The following ZNF469 variants were observed in gnomAD, a reference collection of about 807,000 sequenced individuals.
ZNF469 encodes the protein zinc finger protein 469.
In ZNF469, 1 loss-of-function variant was observed where a neutral mutation model predicts 1.0. That is an observed-to-expected ratio of 1.00 (90% CI 0.35 to 4.73). The LOEUF (loss-of-function observed/expected upper bound fraction) is 4.73. ZNF469 is among the 30% of genes most tolerant of loss of function. ZNF469 has a pLI of 0.16. For missense variants in ZNF469, 6,100 were observed against 5,356.3 expected (o/e 1.14, Z -4.33); for synonymous variants, 2,703 against 2,363.4 (o/e 1.14, Z -4.17).
the ZNF469 span, among the ~76,000 whole-genome samples, chr16:88,307,130 A>G: frequency 6.6e-6 from 1 of 152,042 alleles, no homozygotes; most frequent in African/African-American, 2.4e-5. Context: ...GGTGTCTTTT[A>G]CTCAGCATGA....
chr16:88,148,418 G>A, the ZNF469 span, among the ~76,000 whole-genome samples: 26,148 of 152,082 alleles, frequency 0.17, 2,766 homozygotes, highest in East Asian at 0.49. Context: ...GCCCTGGCGC[G>A]GTGCCTCCCA....
chr16:88,270,488 C>T, the ZNF469 span, among the ~76,000 whole-genome samples: 2 of 152,244 alleles, frequency 1.3e-5, no homozygotes, highest in Middle Eastern at 3.2e-3. Context: ...CTCCACATGG[C>T]TGCTCAGGGC....
chr16:88,127,788 CTG>C, the ZNF469 span, among the ~76,000 whole-genome samples: 5 of 152,178 alleles, frequency 3.3e-5, no homozygotes, highest in African/African-American at 1.2e-4. Context: ...ACAACAGGAA[CTG>C]TGTTTAGAAG....
At chr16:88,223,154 C>T in the ZNF469 span, among the ~76,000 whole-genome samples, 1 of 152,176 alleles carries the variant, frequency 6.6e-6, no homozygotes, top group Non-Finnish European at 1.5e-5. Context: ...CAAATCTCAC[C>T]TTGAATTATA....
At chr16:88,324,690 C>G in the ZNF469 span, among the ~76,000 whole-genome samples, 3 of 152,110 alleles carry the variant, frequency 2.0e-5, no homozygotes. Context: ...TAAGTATGTG[C>G]GAATTAAGGG....
the ZNF469 span, among the ~76,000 whole-genome samples, chr16:88,249,262 C>G: frequency 1.5e-4 from 22 of 151,584 alleles, no homozygotes; most frequent in East Asian, 4.3e-3. Context: ...GGGTCTCAGG[C>G]TGTTGCTCAG....
rs1057336039 is a variant in ZNF469 at position 88,431,422 on chromosome 16, G to A, written c.3952G>A (p.Asp1318Asn). ...TQAPVSHNSK[D>N]PPARQPGEFL... ...GGCCCCAGTCTCCCACAACAGCAAG[G>A]ACCCCCCTGCCCGCCAGCCTGGAGA... Residue 1318 changes from aspartate to asparagine, a missense_variant, in exon 3 of 3, where the codon GAC (aspartate) becomes AAC (asparagine). Coordinates refer to ENST00000565624, the MANE Select transcript of ZNF469 (RefSeq NM_001367624.2). The A allele has an allele frequency of 3.6e-5, 56 of 1,550,190 alleles. No homozygotes were observed. The highest frequency in any genetic ancestry group is 4.4e-5 in the Non-Finnish European group (51 of 1,146,990).
chr16:88,292,601 G>A, the ZNF469 span, among the ~76,000 whole-genome samples: 1 of 151,960 alleles, frequency 6.6e-6, no homozygotes, highest in African/African-American at 2.4e-5. Flanking sequence ...GGGTGGGTGG[G>A]CTGGAATTTG....
the ZNF469 span, among the ~76,000 whole-genome samples, chr16:88,313,701 T>C: frequency 2.0e-5 from 3 of 152,226 alleles, no homozygotes; most frequent in Admixed American, 1.3e-4. Flanking sequence ...GACTGTCATC[T>C]CTGTAATTCA....
the ZNF469 span, among the ~76,000 whole-genome samples, chr16:88,309,102 T>G: frequency 4.6e-5 from 7 of 152,208 alleles, no homozygotes; most frequent in South Asian, 1.2e-3. Context: ...GCCCCGGTTT[T>G]CTCACAGATT....
the ZNF469 span, among the ~76,000 whole-genome samples, chr16:88,201,542 G>C: frequency 2.6e-5 from 4 of 152,066 alleles, no homozygotes; most frequent in East Asian, 7.7e-4. This position sits in a 1 kb window ranked among gnomAD's most constrained non-coding sequence, Gnocchi z 5.0. Context: ...GTGAGAGAGT[G>C]AGACTCTGCC....
upstream of ZNF469, among the ~76,000 whole-genome samples, chr16:88,380,390 G>C (rs111210132): frequency 3.2e-3 from 173 of 54,498 alleles, 8 homozygotes; most frequent in African/African-American, 0.025. Context: ...CGCACTCACA[G>C]ACACGCCCTC....
chr16:88,235,748 A>T, the ZNF469 span, among the ~76,000 whole-genome samples: 1 of 152,258 alleles, frequency 6.6e-6, no homozygotes, highest in Non-Finnish European at 1.5e-5. Context: ...ATATTTGAAG[A>T]GAGTTATTCT....
In ZNF469 at chr16:88,428,240, C is replaced by G. The variant is rs753630744; in HGVS notation, c.770C>G (p.Pro257Arg). The G allele has an allele frequency of 1.9e-6, 3 of 1,550,278 alleles. No homozygotes were observed. Among genetic ancestry groups the G allele is most frequent in the Admixed American group, 2.0e-5 (1 of 50,990 alleles). Residue 257 changes from proline to arginine, a missense_variant, in exon 3 of 3, where the codon CCT becomes CGT. Physicochemically the swap from Pro to Arg is moderately radical, Grantham distance 103 (BLOSUM62 -2). Coordinates refer to ENST00000565624, the MANE Select transcript of ZNF469 (RefSeq NM_001367624.2). ...GGGGTTCCCCCCGCCGAGCCGGAAC[C>G]TATTCCCAAAGGCAGCAGGCCCGGC... ...NFGVPPAEPE[P>R]IPKGSRPGGS...
chr16:88,224,315 G>A, the ZNF469 span, among the ~76,000 whole-genome samples: 15 of 152,338 alleles, frequency 9.8e-5, no homozygotes, highest in Admixed American at 3.3e-4. Flanking sequence ...TTAGCCAAGC[G>A]GATTGAGCCA....
chr16:88,432,698 C>T lies in ZNF469; in HGVS notation c.5228C>T (p.Pro1743Leu). 1.3e-6 allele frequency: 2 copies of T among 1,550,410 alleles called. No homozygotes were observed. Among genetic ancestry groups the T allele is most frequent in the East Asian group, 2.4e-5 (1 of 40,930 alleles). ...LDAGSLAKCS[P>L]DQELSFPKNK... ...GCCGGGAGTTTAGCAAAGTGCAGCCCCGACCAGGAACTTTCATTTCCTAAG... is the reference window on the plus strand; with the variant it reads ...GCCGGGAGTTTAGCAAAGTGCAGCCTCGACCAGGAACTTTCATTTCCTAAG... Residue 1743 changes from proline (P) to leucine (L), a missense_variant, in exon 3 of 3, where the codon CCC (proline) becomes CTC (leucine). Coordinates refer to ENST00000565624, the MANE Select transcript of ZNF469 (RefSeq NM_001367624.2).
At chr16:88,243,223 C>T in the ZNF469 span, among the ~76,000 whole-genome samples, 2 of 152,202 alleles carry the variant, frequency 1.3e-5, no homozygotes, top group African/African-American at 2.4e-5. Context: ...CTGAGATAGT[C>T]AGTGTTGGTC....
the ZNF469 span, among the ~76,000 whole-genome samples, chr16:88,257,623 C>G: frequency 5.3e-5 from 8 of 152,204 alleles, no homozygotes; most frequent in African/African-American, 1.7e-4. Flanking sequence ...ATGTTATCTT[C>G]TAGGAGTTTT....
the ZNF469 span, among the ~76,000 whole-genome samples, chr16:88,254,550 G>A: frequency 6.6e-6 from 1 of 152,198 alleles, no homozygotes; most frequent in African/African-American, 2.4e-5. Context: ...TCGAGGTCAG[G>A]AGTTCAAGAG....
Sources: gnomAD v4.1 joint callset for allele counts (sites outside exome capture counted in the v4.1 genomes callset) on GRCh38, gnomAD v4.1.1 for gene constraint, Gnocchi (gnomAD v3.1) non-coding constraint, MANE v1.5 for transcripts, NCBI Gene and HGNC (gene_info 2026-07-23, HGNC 2026-07-21) for gene names.